The following PLEKHM3 variants were observed in gnomAD, a reference collection of about 807,000 sequenced individuals.
PLEKHM3 encodes the protein pleckstrin homology domain containing M3.
In PLEKHM3, 45 loss-of-function variants were observed where a neutral mutation model predicts 81.8. The ratio of observed to expected loss-of-function variants is 0.55; its 90% CI spans 0.43 to 0.71. PLEKHM3 has a LOEUF of 0.71. PLEKHM3 is among the 30% of genes least tolerant of loss of function. PLEKHM3 has a pLI of 0.00. For missense variants in PLEKHM3, 788 were observed against 924.3 expected, an observed-to-expected ratio of 0.85 and a Z score of 1.91; for synonymous variants, 352 against 356.4, an observed-to-expected ratio of 0.99 and a Z score of 0.14.
intron 3 of PLEKHM3, among the ~76,000 whole-genome samples, chr2:207,958,048 A>C (rs1249322933): frequency 6.6e-6 from 1 of 152,076 alleles, no homozygotes; most frequent in Admixed American, 6.5e-5. Flanking sequence ...TGTTGGAAAA[A>C]CCCTATGACA....
intron 1 of PLEKHM3, among the ~76,000 whole-genome samples, chr2:208,002,215 T>C (rs1156752103): frequency 2.0e-5 from 3 of 152,150 alleles, no homozygotes; most frequent in African/African-American, 7.2e-5. Context: ...AGAAAATGCT[T>C]TGAGAGCATT....
chr2:207,920,896 G>C (rs112163831), intron 5 of PLEKHM3, among the ~76,000 whole-genome samples: 4,124 of 152,204 alleles, frequency 0.027, 194 homozygotes, highest in African/African-American at 0.093. Context: ...GGCTGATCAA[G>C]CTTGCCAACG....
intron 6 of PLEKHM3, among the ~76,000 whole-genome samples, chr2:207,892,620 C>T (rs779326999): frequency 2.0e-5 from 3 of 152,140 alleles, no homozygotes; most frequent in Admixed American, 6.5e-5. Context: ...TGAAGATTGC[C>T]TCCCTCATCC....
At chr2:207,910,630 G>A (rs1009000718) in intron 5 of PLEKHM3, among the ~76,000 whole-genome samples, 4 of 152,116 alleles carry the variant, frequency 2.6e-5, no homozygotes, top group African/African-American at 4.8e-5. Context: ...AAGGAGGGAG[G>A]TAGGTTTGAG....
intron 7 of PLEKHM3, among the ~76,000 whole-genome samples, chr2:207,841,910 A>G (rs1167285263): frequency 6.6e-6 from 1 of 152,160 alleles, no homozygotes; most frequent in Non-Finnish European, 1.5e-5. Context: ...TATTAAATAT[A>G]CTAGGGAAGT....
At chr2:207,868,024 C>T (rs909061704) in intron 6 of PLEKHM3, among the ~76,000 whole-genome samples, 1 of 152,114 alleles carries the variant, frequency 6.6e-6, no homozygotes, top group African/African-American at 2.4e-5. Flanking sequence ...AATGAGGCAT[C>T]CTGGCCAACA....
intron 4 of PLEKHM3, among the ~76,000 whole-genome samples, chr2:207,937,347 C>T (rs1033446650): frequency 6.6e-6 from 1 of 152,174 alleles, no homozygotes; most frequent in Admixed American, 6.5e-5. Flanking sequence ...AGCAGGATTG[C>T]TTTAGGCCAG....
intron 1 of PLEKHM3, among the ~76,000 whole-genome samples, chr2:208,014,387 G>A (rs548830754): frequency 5.3e-5 from 8 of 152,362 alleles, no homozygotes; most frequent in African/African-American, 1.9e-4. Context: ...GCTCATGCCT[G>A]TAATCCCAGC....
intron 3 of PLEKHM3, among the ~76,000 whole-genome samples, chr2:207,964,390 A>T (rs952323013): frequency 1.3e-5 from 2 of 152,132 alleles, no homozygotes; most frequent in Non-Finnish European, 2.9e-5. Context: ...ATGATACTCA[A>T]ATCACACTTT....
chr2:207,947,900 A>T (rs1690189007), intron 3 of PLEKHM3, among the ~76,000 whole-genome samples: 1 of 152,230 alleles, frequency 6.6e-6, no homozygotes, highest in African/African-American at 2.4e-5. Context: ...CATTTTCATC[A>T]CAAATACAAT....
intron 4 of PLEKHM3, among the ~76,000 whole-genome samples, chr2:207,945,579 T>C (rs1385807567): frequency 6.6e-6 from 1 of 152,162 alleles, no homozygotes; most frequent in Non-Finnish European, 1.5e-5. Context: ...AAGACTGACC[T>C]TCACATGAGT....
At chr2:207,865,771 A>G (rs2092492462) in intron 6 of PLEKHM3, among the ~76,000 whole-genome samples, 1 of 109,358 alleles carries the variant, frequency 9.1e-6, no homozygotes, top group African/African-American at 3.4e-5. Context: ...CAAGAACAAA[A>G]ACTCCGACTC....
intron 7 of PLEKHM3, among the ~76,000 whole-genome samples, chr2:207,846,229 G>A (rs1455661104): frequency 3.3e-5 from 5 of 152,034 alleles, no homozygotes; most frequent in East Asian, 2.0e-4. Context: ...TGCAACTTCC[G>A]CCTCCTGGGT....
At chr2:207,875,741 A>T (rs1037018504) in intron 6 of PLEKHM3, among the ~76,000 whole-genome samples, 1 of 152,106 alleles carries the variant, frequency 6.6e-6, no homozygotes, top group African/African-American at 2.4e-5. Context: ...AGGAGGCTGA[A>T]GTGGGAGTAT....
At chr2:207,904,621 C>G (rs1204618929) in intron 6 of PLEKHM3, among the ~76,000 whole-genome samples, 3 of 152,176 alleles carry the variant, frequency 2.0e-5, no homozygotes, top group Non-Finnish European at 4.4e-5. Flanking sequence ...AGGAGACAGT[C>G]GTTCCCAGAA....
intron 1 of PLEKHM3, among the ~76,000 whole-genome samples, chr2:208,009,799 G>C (rs1218281255): frequency 6.6e-6 from 1 of 152,144 alleles, no homozygotes; most frequent in East Asian, 1.9e-4. Context: ...ACTGACATCT[G>C]TAAGTATATA....
intron 7 of PLEKHM3, among the ~76,000 whole-genome samples, chr2:207,835,348 G>C (rs938312592): frequency 1.4e-4 from 21 of 152,258 alleles, no homozygotes; most frequent in African/African-American, 5.1e-4. Flanking sequence ...AGTCCTTGGC[G>C]CAGGTTGGCC....
intron 5 of PLEKHM3, among the ~76,000 whole-genome samples, chr2:207,922,360 A>G (rs1325676084): frequency 6.6e-6 from 1 of 152,238 alleles, no homozygotes; most frequent in Non-Finnish European, 1.5e-5. Context: ...ATCTTTATAT[A>G]CAGTAAACTA....
intron 7 of PLEKHM3, among the ~76,000 whole-genome samples, chr2:207,860,210 T>C: frequency 6.7e-6 from 1 of 149,134 alleles, no homozygotes; most frequent in African/African-American, 2.5e-5. Context: ...TGTGTGTATC[T>C]GCATGTCTAT....
Sources: gnomAD v4.1 joint callset for allele counts (sites outside exome capture counted in the v4.1 genomes callset) on GRCh38, gnomAD v4.1.1 for gene constraint, MANE v1.5 for transcripts, NCBI Gene and HGNC (gene_info 2026-07-23, HGNC 2026-07-21) for gene names.